ARHGAP6: variants seen among roughly 807,000 people sequenced by gnomAD.
The protein encoded by ARHGAP6 is rho GTPase-activating protein 6.
Under a neutral mutation model 55.7 loss-of-function variants are expected in ARHGAP6, and 16 were observed. That is an observed-to-expected ratio of 0.29 (90% confidence interval 0.19 to 0.44). ARHGAP6 has a LOEUF of 0.44. ARHGAP6 is among the 20% of genes least tolerant of loss of function. The pLI, the probability that ARHGAP6 is intolerant of heterozygous loss-of-function variation, is 1.00. For missense variants in ARHGAP6, 698 were observed against 808.9 expected, an observed-to-expected ratio of 0.86 and a Z score of 1.66; for synonymous variants, 382 against 360.9, an observed-to-expected ratio of 1.06 and a Z score of -0.66.
chrX:11,452,389 C>CCG (rs1173532939), intron 1 of ARHGAP6, among the ~76,000 whole-genome samples: 11 of 111,534 alleles, frequency 9.9e-5, no homozygotes, highest in Non-Finnish European at 2.1e-4. Context: ...CTCAGGTGAT[C>CCG]CGCCCACCTC....
intron 1 of ARHGAP6, among the ~76,000 whole-genome samples, chrX:11,268,103 T>G (rs1484575234): frequency 1.8e-5 from 2 of 112,221 alleles, no homozygotes; most frequent in African/African-American, 6.5e-5. Flanking sequence ...TAAGCATTCA[T>G]TCCACCTTCT....
intron 1 of ARHGAP6, among the ~76,000 whole-genome samples, chrX:11,463,757 G>A (rs187908890): frequency 8.4e-4 from 94 of 112,264 alleles, no homozygotes; most frequent in African/African-American, 2.9e-3. Context: ...CTGTTCAGTC[G>A]GTGTCTGTCT....
chrX:11,483,644 GTTT>G (rs72479996), intron 1 of ARHGAP6, among the ~76,000 whole-genome samples: 4 of 102,693 alleles, frequency 3.9e-5, no homozygotes, highest in Admixed American at 1.0e-4. Context: ...ATAATCAAAT[GTTT>G]TTTTTTTTTC....
rs776914320 is a variant in ARHGAP6, at chrX:11,633,297, G to A, written c.588+30944C>T. 1.8e-5 allele frequency among the ~76,000 whole-genome samples: 2 copies of A among 112,501 alleles called. 1 individual carries two copies. Among genetic ancestry groups the A allele is most frequent in the African/African-American group, 6.5e-5 (2 of 30,978 alleles). On this transcript the variant is annotated intron_variant, in intron 1 of 12. Coordinates refer to ENST00000337414, the MANE Select transcript of ARHGAP6 (RefSeq NM_013427.3). ...TACCTTTTCCCTTATAGTATTGGCTGTGTGTCAATACACCCTCCCTGTCCC... is the reference window on the plus strand; with the variant it reads ...TACCTTTTCCCTTATAGTATTGGCTATGTGTCAATACACCCTCCCTGTCCC...
At chrX:11,241,099 TA>T (rs1483111439) in intron 2 of ARHGAP6, among the ~76,000 whole-genome samples, 9 of 100,466 alleles carry the variant, frequency 9.0e-5, no homozygotes, top group Non-Finnish European at 1.6e-4. Flanking sequence ...AAAAAAGCAA[TA>T]TGAAGAAATG....
intron 2 of ARHGAP6, among the ~76,000 whole-genome samples, chrX:11,225,993 G>A (rs1240364469): frequency 2.8e-5 from 3 of 108,820 alleles, no homozygotes; most frequent in South Asian, 4.0e-4. Flanking sequence ...AGTTGGCCCC[G>A]AGAGTTTCTT....
intron 1 of ARHGAP6, among the ~76,000 whole-genome samples, chrX:11,572,281 G>A (rs1024044966): frequency 6.4e-5 from 7 of 109,652 alleles, no homozygotes; most frequent in Non-Finnish European, 9.5e-5. Flanking sequence ...CTGGTGTGCC[G>A]TACCCATTAA....
chrX:11,153,604 A>G (rs951686509), intron 10 of ARHGAP6, among the ~76,000 whole-genome samples: 7 of 108,829 alleles, frequency 6.4e-5, no homozygotes, highest in African/African-American at 2.0e-4. Context: ...AAAGACCACT[A>G]AAAGTAAACA....
At chrX:11,284,092 C>T (rs2047892995) in intron 1 of ARHGAP6, among the ~76,000 whole-genome samples, 1 of 111,721 alleles carries the variant, frequency 9.0e-6, no homozygotes, top group Admixed American at 9.5e-5. Context: ...TGAGAATCTG[C>T]CTTTCAACAA....
At chrX:11,245,192 T>G (rs141987033) in intron 2 of ARHGAP6, among the ~76,000 whole-genome samples, 1 of 112,366 alleles carries the variant, frequency 8.9e-6, no homozygotes, top group East Asian at 2.8e-4. Flanking sequence ...ATATAATTGA[T>G]GCATCTGTGT....
chrX:11,186,006 C>T (rs749750841), intron 5 of ARHGAP6, among the ~76,000 whole-genome samples: 73 of 111,535 alleles, frequency 6.5e-4, no homozygotes, highest in South Asian at 3.8e-3. Context: ...CTTCTGAGGA[C>T]TACTGGGAGC....
At chrX:11,355,647 T>A (rs2048921762) in intron 1 of ARHGAP6, among the ~76,000 whole-genome samples, 2 of 112,146 alleles carry the variant, frequency 1.8e-5, no homozygotes, top group Admixed American at 9.4e-5. Context: ...TTCATGCAGA[T>A]AACCATCTGA....
At chrX:11,594,156 C>G (rs2051872943) in intron 1 of ARHGAP6, among the ~76,000 whole-genome samples, 1 of 111,217 alleles carries the variant, frequency 9.0e-6, no homozygotes, top group South Asian at 3.8e-4. Flanking sequence ...CAGCCCCACC[C>G]TACTCTCTAT....
chrX:11,170,258 G>A (rs1224127713), intron 8 of ARHGAP6, among the ~76,000 whole-genome samples: 4 of 111,900 alleles, frequency 3.6e-5, no homozygotes, highest in South Asian at 3.7e-4. Context: ...CCACAGAGGC[G>A]GAAGCATTTG....
chrX:11,586,136 T>C (rs1050327099), intron 1 of ARHGAP6, among the ~76,000 whole-genome samples: 2 of 111,655 alleles, frequency 1.8e-5, no homozygotes, highest in Non-Finnish European at 3.8e-5. Context: ...ATTCTGTAGG[T>C]TGTCTGTTTA....
At chrX:11,629,267 G>A (rs1403445532) in intron 1 of ARHGAP6, among the ~76,000 whole-genome samples, 1 of 111,262 alleles carries the variant, frequency 9.0e-6, no homozygotes, top group East Asian at 2.8e-4. Flanking sequence ...CATGAGTGTG[G>A]TCACCCCATC....
chrX:11,519,718 G>C (rs1248217905), intron 1 of ARHGAP6, among the ~76,000 whole-genome samples: 1 of 108,363 alleles, frequency 9.2e-6, no homozygotes, highest in Admixed American at 1.0e-4. Flanking sequence ...ACAAACCTGA[G>C]AAAAACAAGC....
chrX:11,176,257 A>T (rs867802076), intron 8 of ARHGAP6, among the ~76,000 whole-genome samples: 9 of 75,251 alleles, frequency 1.2e-4, no homozygotes, highest in African/African-American at 2.8e-4. Flanking sequence ...ATATATATAT[A>T]TATATATTTG....
rs781026991 is a variant in ARHGAP6, at chrX:11,571,645, C to A, written c.588+92596G>T. Among the ~76,000 whole-genome samples the A allele has an allele frequency of 7.4e-5, 8 of 107,835 alleles. No homozygotes were observed. The South Asian group carries it at 3.4e-3, about 46-fold the overall frequency. The allele number at this position is 107,835 out of a possible 115,157, so 93.6% of individuals were successfully genotyped here. On this transcript the variant is annotated intron_variant, in intron 1 of 12. Coordinates refer to ENST00000337414, the MANE Select transcript of ARHGAP6 (RefSeq NM_013427.3). ...TAACCTCAGCATTTTGGGAGGCCAA[C>A]ACAGGACAGTTTGACCCCAGAGTTC...
Sources: gnomAD v4.1 joint callset for allele counts (sites outside exome capture counted in the v4.1 genomes callset) on GRCh38, gnomAD v4.1.1 for gene constraint, MANE v1.5 for transcripts, NCBI Gene and HGNC (gene_info 2026-07-23, HGNC 2026-07-21) for gene names.